The following PLS1 variants were observed in gnomAD, a reference collection of about 807,000 sequenced individuals.
PLS1 encodes the protein plastin-1.
Under a neutral mutation model 73.7 loss-of-function variants are expected in PLS1, and 32 were observed. The observed-to-expected ratio is 0.43, with a 90% CI of 0.33 to 0.58. PLS1 has a LOEUF of 0.58. Among genes scored for constraint, PLS1 ranks in the 20% least tolerant of loss-of-function variants. The pLI is 0.04. For synonymous variants in PLS1, 217 were observed against 261.3 expected, an observed-to-expected ratio of 0.83 and a Z score of 1.63; for missense variants, 633 against 740.5, an observed-to-expected ratio of 0.85 and a Z score of 1.68.
At chr3:142,700,040 A>G (rs2038294365) in intron 12 of PLS1, among the ~76,000 whole-genome samples, 1 of 152,200 alleles carries the variant, frequency 6.6e-6, no homozygotes, top group South Asian at 2.1e-4. Flanking sequence ...ACCATTCATT[A>G]TACCTGGAAT....
At chr3:142,632,711 G>C (rs2036592879) in intron 1 of PLS1, among the ~76,000 whole-genome samples, 1 of 151,542 alleles carries the variant, frequency 6.6e-6, no homozygotes, top group Admixed American at 6.6e-5. Flanking sequence ...CGATTCTCCT[G>C]TCTTGGCTTC....
intron 1 of PLS1, among the ~76,000 whole-genome samples, chr3:142,598,816 T>C (rs1033527980): frequency 1.3e-5 from 2 of 151,998 alleles, no homozygotes; most frequent in African/African-American, 4.8e-5. Flanking sequence ...GCTAACACGG[T>C]GAAACCCCAT....
chr3:142,675,763 C>A (rs1399952223), intron 4 of PLS1, among the ~76,000 whole-genome samples: 1 of 151,880 alleles, frequency 6.6e-6, no homozygotes, highest in Admixed American at 6.6e-5. Context: ...GCAACCTCCA[C>A]CCCCCGGTTC....
Position 142,671,067 on chromosome 3 carries a change from T to G in PLS1, c.309T>G (p.Thr103=), listed in dbSNP as rs148556280. Residue 103 remains threonine, a synonymous_variant, in exon 4 of 16, where the codon ACT becomes ACG. Transcript: ENST00000457734. ...TAATTAACAAGAGGGAAGGGATTAC[T>G]GCTATTGGAGGAACTTCAACTATTT... ...RKIINKREGI[T]AIGGTSTISS... 7.6e-3 allele frequency: 12,249 copies of G among 1,607,576 alleles called. 516 individuals are homozygous for G. In the Admixed American group the frequency reaches 0.11, roughly 15 times the overall value.
At chr3:142,650,211 CTTTTTTTTTTTT>C (rs1171297517) in intron 1 of PLS1, among the ~76,000 whole-genome samples, 8 of 70,872 alleles carry the variant, frequency 1.1e-4, no homozygotes, top group African/African-American at 2.9e-4. Context: ...GCTTCTTCTT[CTTTTTTTTTTTT>C]TTTTTTTTTT....
At chr3:142,675,864 G>T (rs564487490) in intron 4 of PLS1, among the ~76,000 whole-genome samples, 2 of 151,872 alleles carry the variant, frequency 1.3e-5, no homozygotes, top group African/African-American at 2.4e-5. Flanking sequence ...CAATAGAGAC[G>T]GGGGTTTCTC....
chr3:142,597,920 C>T (rs1057295050), intron 1 of PLS1, among the ~76,000 whole-genome samples: 7 of 152,196 alleles, frequency 4.6e-5, no homozygotes, highest in Non-Finnish European at 8.8e-5. Context: ...TCAAAAAGTG[C>T]CCTTTCACTG....
intron 14 of PLS1, among the ~76,000 whole-genome samples, chr3:142,705,586 G>C (rs1309053370): frequency 6.6e-6 from 1 of 152,182 alleles, no homozygotes. Context: ...TTTATTATGT[G>C]TGAAAAACTA....
intron 11 of PLS1, 138 bp from the exon 12 acceptor site, chr3:142,697,815 A>C (rs1034009282): frequency 3.6e-6 from 2 of 548,514 alleles, no homozygotes; most frequent in African/African-American, 3.8e-5. Context: ...TTCTGGGTCA[A>C]ATGATATGTC....
chr3:142,677,935 T>C (rs1299154195), intron 5 of PLS1, 97 bp from the exon 6 acceptor site: 11 of 587,060 alleles, frequency 1.9e-5, no homozygotes, highest in Non-Finnish European at 3.0e-5. Flanking sequence ...AGTAATGAAT[T>C]GTTATTTTCA....
At chr3:142,686,224 C>T (rs938561090) in intron 8 of PLS1, 60 bp from the exon 9 acceptor site, 2 of 1,002,246 alleles carry the variant, frequency 2.0e-6, no homozygotes, top group Admixed American at 1.8e-5. Flanking sequence ...ACTTGTTTTC[C>T]CTAAATTCAA....
rs190383091 is a variant in PLS1 at position 142,675,660 on chromosome 3, C to T, written c.365-497C>T. 3.9e-5 allele frequency among the ~76,000 whole-genome samples: 6 copies of T among 151,992 alleles called. No homozygotes were observed. In the East Asian group the frequency reaches 1.2e-3, roughly 29 times the overall value. ...TCAGCCTCCCAAAGTGCTGGGATTA[C>T]AGGCGTGAGCCACCGTGCTCCCCGT... On this transcript the variant is annotated intron_variant, in intron 4 of 15. Coordinates refer to ENST00000457734, the MANE Select transcript of PLS1 (RefSeq NM_001145319.2).
chr3:142,705,511 G>A (rs773878432), intron 14 of PLS1, among the ~76,000 whole-genome samples: 8 of 152,146 alleles, frequency 5.3e-5, no homozygotes, highest in East Asian at 1.9e-4. Context: ...CATGCAAGCC[G>A]ATGTTAGCTA....
At chr3:142,701,603 C>T (rs1244621065) in intron 12 of PLS1, among the ~76,000 whole-genome samples, 1 of 152,150 alleles carries the variant, frequency 6.6e-6, no homozygotes. Flanking sequence ...AATTTGGAAC[C>T]AAATATTGCC....
intron 4 of PLS1, among the ~76,000 whole-genome samples, chr3:142,674,745 T>C (rs2037684204): frequency 6.6e-6 from 1 of 152,172 alleles, no homozygotes; most frequent in African/African-American, 2.4e-5. Flanking sequence ...TTTGTTTTTT[T>C]GAGACAAGAG....
At chr3:142,622,061 TGTTGCAGTCCGG>T (rs1355960442) in intron 1 of PLS1, among the ~76,000 whole-genome samples, 1 of 152,152 alleles carries the variant, frequency 6.6e-6, no homozygotes, top group East Asian at 1.9e-4. Flanking sequence ...AGAACCTCAC[TGTTGCAGTCCGG>T]GTTGTCTCTG....
intron 10 of PLS1, among the ~76,000 whole-genome samples, chr3:142,690,253 T>C (rs557270293): frequency 4.3e-4 from 65 of 152,314 alleles, no homozygotes; most frequent in African/African-American, 1.4e-3. Flanking sequence ...TCTATCGTTA[T>C]CTGTCTCATA....
chr3:142,612,147 G>A (rs773878643), intron 1 of PLS1, among the ~76,000 whole-genome samples: 55 of 152,286 alleles, frequency 3.6e-4, no homozygotes, highest in Non-Finnish European at 6.5e-4. Context: ...ATTGAAAGAG[G>A]AATTTAGCAA....
intron 1 of PLS1, among the ~76,000 whole-genome samples, chr3:142,630,268 A>G (rs1483821426): frequency 6.6e-6 from 1 of 151,672 alleles, no homozygotes; most frequent in African/African-American, 2.4e-5. Context: ...TAAAAAGACA[A>G]AAACTATCGG....
Sources: allele counts gnomAD v4.1 joint callset (sites outside exome capture counted in the v4.1 genomes callset), GRCh38; gene constraint gnomAD v4.1.1; transcripts MANE v1.5; gene names NCBI Gene and HGNC (gene_info 2026-07-23, HGNC 2026-07-21).